The following LARGE1 variants were observed in gnomAD, a reference collection of about 807,000 sequenced individuals.
LARGE1 encodes LARGE xylosyl- and glucuronyltransferase 1.
In LARGE1, 43 loss-of-function variants were observed where a neutral mutation model predicts 87.6. The observed-to-expected ratio is 0.49, with a 90% CI of 0.38 to 0.63. The LOEUF (loss-of-function observed/expected upper bound fraction) is 0.63. LARGE1 is among the 30% of genes least tolerant of loss of function. The pLI is 0.00. For missense variants in LARGE1, 802 were observed against 1,000.2 expected (o/e 0.80, Z 2.67); for synonymous variants, 434 against 394.6 (o/e 1.10, Z -1.18).
intron 2 of LARGE1, among the ~76,000 whole-genome samples, chr22:33,734,951 T>C (rs1419479189): frequency 6.6e-6 from 1 of 152,218 alleles, no homozygotes; most frequent in Non-Finnish European, 1.5e-5. Flanking sequence ...CCAAAACATG[T>C]TCCTGGAACT....
chr22:33,068,486 A>T, the LARGE1 span, among the ~76,000 whole-genome samples: 1 of 152,024 alleles, frequency 6.6e-6, no homozygotes, highest in South Asian at 2.1e-4. Flanking sequence ...TCTACTAAAA[A>T]TACAAAAAAT....
rs141943494 is a variant in LARGE1 at position 33,343,024 on chromosome 22, T to TAA, written c.1132-5225_1132-5224dup. On this transcript the variant is annotated intron_variant, in intron 9 of 14. Transcript: ENST00000397394. ...AAAAAGTACTTGCGGTTTTCGCCAT[T>TAA]AAAAATTGCAAAAACTGCAATTACT... 3.6e-4 allele frequency among the ~76,000 whole-genome samples: 55 copies of TAA among 152,330 alleles called. No individual in the cohort carries two copies. In the East Asian group the frequency reaches 6.9e-3, roughly 19 times the overall value.
At chr22:33,505,500 T>C (rs1361275985) in intron 6 of LARGE1, among the ~76,000 whole-genome samples, 2 of 152,120 alleles carry the variant, frequency 1.3e-5, no homozygotes, top group African/African-American at 4.8e-5. Context: ...ACAGGGCCCA[T>C]TATAGATGCC....
chr22:33,172,293 G>A (rs1922618054), intron 11 of LARGE1, among the ~76,000 whole-genome samples: 1 of 152,144 alleles, frequency 6.6e-6, no homozygotes, highest in Non-Finnish European at 1.5e-5. Flanking sequence ...CTTTGGACTT[G>A]GACTTTTGAG....
intron 2 of LARGE1, among the ~76,000 whole-genome samples, chr22:33,728,570 A>C (rs1043397913): frequency 6.8e-6 from 1 of 148,058 alleles, no homozygotes; most frequent in African/African-American, 2.5e-5. Flanking sequence ...AAAAAAAAAA[A>C]AAAAAAAAAC....
rs537013339 is a variant in LARGE1 at position 33,567,126 on chromosome 22, T to G, written c.616-2107A>C. Among the ~76,000 whole-genome samples, 3 of 152,310 alleles carry G rather than the reference T, an allele frequency of 2.0e-5. No individual in the cohort carries two copies. In the East Asian group the frequency reaches 5.8e-4, roughly 29 times the overall value. On this transcript the variant is annotated intron_variant, in intron 5 of 14. Coordinates refer to ENST00000397394, the MANE Select transcript of LARGE1 (RefSeq NM_133642.5). ...TGTTTCAGAGATGGAATGGGTCTCATGAGTCAGCATGGGGAACCTGTCTCA... is the reference window on the plus strand; with the variant it reads ...TGTTTCAGAGATGGAATGGGTCTCAGGAGTCAGCATGGGGAACCTGTCTCA...
intron 1 of LARGE1, among the ~76,000 whole-genome samples, chr22:33,842,254 C>T (rs900302089): frequency 6.6e-6 from 1 of 152,030 alleles, no homozygotes; most frequent in African/African-American, 2.4e-5. Flanking sequence ...TCTGGCGATT[C>T]GCAACTCGAA....
At position 33,273,458 on chromosome 22, in the gene LARGE1, C is replaced by T. The variant is rs892305427; in HGVS notation, c.*969G>A. On this transcript the variant is annotated 3_prime_UTR_variant, in exon 15 of 15. Transcript: ENST00000397394. The stretch of plus-strand genomic sequence containing the variant: ...AGTTCTTCGAAAGGCCTGAGAGGTT[C>T]GTACCTTGTGTGTGCACTGAAGTAG... The T allele has an allele frequency of 2.3e-5, 9 of 398,522 alleles. 1 individual carries two copies. Among genetic ancestry groups the T allele is most frequent in the Non-Finnish European group, 3.5e-5 (8 of 226,070 alleles). 24.7% of individuals were successfully genotyped at this position (398,522 alleles called of 1,614,324 possible).
At chr22:33,872,016 G>A (rs1004361471) in intron 1 of LARGE1, among the ~76,000 whole-genome samples, 1 of 140,652 alleles carries the variant, frequency 7.1e-6, no homozygotes, top group African/African-American at 2.6e-5. Context: ...AAACAATATT[G>A]GGGAAAGGAA....
At chr22:33,242,378 T>C (rs887402932) in intron 11 of LARGE1, among the ~76,000 whole-genome samples, 5 of 152,156 alleles carry the variant, frequency 3.3e-5, no homozygotes, top group Non-Finnish European at 7.4e-5. Flanking sequence ...CCAAGTAGAT[T>C]TCTTAAACTA....
chr22:33,294,851 C>T (rs539011505), intron 12 of LARGE1, among the ~76,000 whole-genome samples: 50 of 152,188 alleles, frequency 3.3e-4, no homozygotes, highest in Admixed American at 2.6e-3. Flanking sequence ...CTGCCCTATG[C>T]GGTAGAGAGG....
intron 3 of LARGE1, among the ~76,000 whole-genome samples, chr22:33,638,781 G>A (rs1001906687): frequency 6.6e-6 from 1 of 152,184 alleles, no homozygotes; most frequent in Middle Eastern, 3.2e-3. Flanking sequence ...ATGATGTCTG[G>A]TACATTTCAA....
At chr22:33,896,746 G>A (rs944168033) in intron 1 of LARGE1, among the ~76,000 whole-genome samples, 2 of 152,044 alleles carry the variant, frequency 1.3e-5, no homozygotes, top group Admixed American at 1.3e-4. Context: ...GACTTTTGCT[G>A]CTGCTCCTAC....
chr22:33,393,729 C>T lies in LARGE1; in HGVS notation c.893-9425G>A, dbSNP rs12168620. On this transcript the variant is annotated intron_variant, in intron 7 of 14. Transcript: ENST00000397394. ...GGAGCTTGGAGCAAGCCCCTTGCCC[C>T]TGAGTGCTCTGCACAGAGGCAACAT... 2.7e-3 allele frequency among the ~76,000 whole-genome samples: 409 copies of T among 152,342 alleles called. 1 individual carries two copies. The highest frequency in any genetic ancestry group is 9.5e-3 in the African/African-American group (395 of 41,578).
intron 11 of LARGE1, among the ~76,000 whole-genome samples, chr22:33,313,781 A>G (rs1935859714): frequency 6.6e-6 from 1 of 152,184 alleles, no homozygotes; most frequent in Non-Finnish European, 1.5e-5. Context: ...TCCCCAGATG[A>G]CATCCCAGCC....
intron 2 of LARGE1, among the ~76,000 whole-genome samples, chr22:33,703,418 T>G (rs1035755151): frequency 2.7e-5 from 4 of 150,102 alleles, no homozygotes; most frequent in Non-Finnish European, 5.9e-5. Context: ...GACTAAATAA[T>G]GCCCCCCAAA....
Position 33,451,198 on chromosome 22 carries a change from G to A in LARGE1, c.788-18933C>T, listed in dbSNP as rs908982565. 2.0e-5 allele frequency among the ~76,000 whole-genome samples: 3 copies of A among 152,036 alleles called. No individual in the cohort carries two copies. In the East Asian group the frequency reaches 5.8e-4, roughly 29 times the overall value. ...AATAGTTTTGATATCCTTTCCGATG[G>A]AGGCATCCAAGTTCAGGGTAGAAAA... On this transcript the variant is annotated intron_variant, in intron 6 of 14. Transcript: ENST00000397394.
the LARGE1 span, among the ~76,000 whole-genome samples, chr22:33,149,362 T>C: frequency 6.6e-6 from 1 of 152,172 alleles, no homozygotes; most frequent in Non-Finnish European, 1.5e-5. Context: ...ACAGTGTCTT[T>C]CATGGAGTAA....
At chr22:33,681,376 C>T (rs972828504) in intron 2 of LARGE1, among the ~76,000 whole-genome samples, 4 of 152,200 alleles carry the variant, frequency 2.6e-5, no homozygotes, top group Non-Finnish European at 4.4e-5. Context: ...GGCCCAACTA[C>T]CAGGGTTCAC....
Sources: gnomAD v4.1 joint callset for allele counts (sites outside exome capture counted in the v4.1 genomes callset) on GRCh38, gnomAD v4.1.1 for gene constraint, MANE v1.5 for transcripts, NCBI Gene and HGNC (gene_info 2026-07-23, HGNC 2026-07-21) for gene names.